RBFOX1: variants seen among roughly 807,000 people sequenced by gnomAD.
RBFOX1 encodes RNA binding fox-1 homolog 1.
Under a neutral mutation model 57.7 loss-of-function variants are expected in RBFOX1, and 8 were observed. The ratio of observed to expected loss-of-function variants is 0.14; its 90% CI spans 0.08 to 0.25. The LOEUF (loss-of-function observed/expected upper bound fraction) is 0.25. Ranked by LOEUF, RBFOX1 falls within the 10% of genes least tolerant of loss-of-function variation. The pLI, the probability that RBFOX1 is intolerant of heterozygous loss-of-function variation, is 1.00. For missense variants in RBFOX1, 611 were observed against 548.5 expected, an observed-to-expected ratio of 1.11 and a Z score of -1.14; for synonymous variants, 326 against 222.4, an observed-to-expected ratio of 1.47 and a Z score of -4.15.
At chr16:6,111,413 G>C (rs929020526) in intron 1 of RBFOX1, among the ~76,000 whole-genome samples, 1 of 152,156 alleles carries the variant, frequency 6.6e-6, no homozygotes, top group Non-Finnish European at 1.5e-5. Context: ...CTGATACACA[G>C]AGTGGGCTGT....
In RBFOX1 at chr16:7,364,529, C is replaced by T. The variant is rs970470143; in HGVS notation, c.28-153618C>T. ...TTGGACTATCTTTGGCAAGGGAGAGCATTTATTGGGAGGATATTGAGTAGC... is the reference window on the plus strand; with the variant it reads ...TTGGACTATCTTTGGCAAGGGAGAGTATTTATTGGGAGGATATTGAGTAGC... On this transcript the variant is annotated intron_variant, in intron 4 of 15. Coordinates refer to ENST00000550418, the MANE Select transcript of RBFOX1 (RefSeq NM_018723.4). 6.7e-5 allele frequency among the ~76,000 whole-genome samples: 9 copies of T among 134,688 alleles called. No homozygotes were observed. In the Admixed American group the frequency reaches 7.5e-4, roughly 11 times the overall value. 88.4% of individuals were successfully genotyped at this position (134,688 alleles called of 152,430 possible).
intron 1 of RBFOX1, among the ~76,000 whole-genome samples, chr16:6,129,188 C>G (rs1164081441): frequency 6.6e-6 from 1 of 152,078 alleles, no homozygotes; most frequent in Non-Finnish European, 1.5e-5. Flanking sequence ...CAAACAGAAA[C>G]AGACCCTGAT....
At chr16:6,542,591 G>A (rs963702543) in intron 2 of RBFOX1, among the ~76,000 whole-genome samples, 1 of 143,048 alleles carries the variant, frequency 7.0e-6, no homozygotes, top group Non-Finnish European at 1.5e-5. Context: ...CTGGGTTCAC[G>A]CCATTCTCCT....
chr16:6,380,999 C>A (rs2091752784), intron 2 of RBFOX1, among the ~76,000 whole-genome samples: 1 of 151,978 alleles, frequency 6.6e-6, no homozygotes, highest in Non-Finnish European at 1.5e-5. Context: ...TGCTGGGGGA[C>A]TTGTGGTATG....
chr16:5,419,948 G>T (rs1403813138), intron 1 of RBFOX1, among the ~76,000 whole-genome samples: 1 of 152,164 alleles, frequency 6.6e-6, no homozygotes, highest in African/African-American at 2.4e-5. Flanking sequence ...GAGCTTGGAG[G>T]CAGGGTCTTT....
intron 1 of RBFOX1, among the ~76,000 whole-genome samples, chr16:6,293,666 T>C (rs1172186387): frequency 1.3e-5 from 2 of 152,154 alleles, no homozygotes; most frequent in African/African-American, 4.8e-5. Context: ...CATAGAAACA[T>C]AGGGAAGAGG....
intron 14 of RBFOX1, among the ~76,000 whole-genome samples, chr16:7,697,288 A>G (rs1449056561): frequency 1.3e-5 from 2 of 152,166 alleles, no homozygotes; most frequent in African/African-American, 2.4e-5. Flanking sequence ...ATACTGGCAG[A>G]TTAGAAGTGT....
intron 5 of RBFOX1, among the ~76,000 whole-genome samples, chr16:7,572,484 G>A (rs1055817234): frequency 6.6e-6 from 1 of 152,162 alleles, no homozygotes; most frequent in Non-Finnish European, 1.5e-5. Flanking sequence ...ACTGGCATGT[G>A]GTGGGTGGAG....
At chr16:6,736,027 A>T (rs12935713) in intron 3 of RBFOX1, among the ~76,000 whole-genome samples, 1 of 151,912 alleles carries the variant, frequency 6.6e-6, no homozygotes, top group Admixed American at 6.6e-5. Context: ...AGGGATTTAG[A>T]ATTTTCAGCA....
intron 2 of RBFOX1, among the ~76,000 whole-genome samples, chr16:5,517,635 G>A (rs1473343640): frequency 6.6e-6 from 1 of 152,186 alleles, no homozygotes; most frequent in Non-Finnish European, 1.5e-5. Context: ...AGGAAATAAT[G>A]TTTGGCATCT....
At chr16:7,633,345 A>G (rs1433413819) in intron 11 of RBFOX1, among the ~76,000 whole-genome samples, 1 of 152,240 alleles carries the variant, frequency 6.6e-6, no homozygotes, top group East Asian at 1.9e-4. Context: ...AAATTGTATA[A>G]TGTGCATCCA....
chr16:6,390,334 G>T (rs75733110), intron 2 of RBFOX1, among the ~76,000 whole-genome samples: 4,507 of 152,202 alleles, frequency 0.03, 238 homozygotes, highest in African/African-American at 0.1. Flanking sequence ...TCCTGAACTT[G>T]AGTGGAGCTG....
chr16:7,344,721 G>A (rs1016401795), intron 4 of RBFOX1, among the ~76,000 whole-genome samples: 1 of 152,128 alleles, frequency 6.6e-6, no homozygotes, highest in Admixed American at 6.5e-5. Context: ...CAGCAAAGTG[G>A]AACAATTTGC....
At chr16:5,381,995 A>G (rs1255926017) in intron 1 of RBFOX1, among the ~76,000 whole-genome samples, 3 of 152,240 alleles carry the variant, frequency 2.0e-5, no homozygotes, top group African/African-American at 7.2e-5. Flanking sequence ...GGACGTCAGT[A>G]GCATCTTCAT....
At chr16:5,468,088 C>T (rs1389420310) in intron 2 of RBFOX1, among the ~76,000 whole-genome samples, 2 of 152,072 alleles carry the variant, frequency 1.3e-5, no homozygotes, top group Non-Finnish European at 2.9e-5. Flanking sequence ...TGTTCCTCCT[C>T]CCACCCCTCT....
intron 2 of RBFOX1, among the ~76,000 whole-genome samples, chr16:6,522,833 T>G (rs1264789326): frequency 6.6e-6 from 1 of 152,060 alleles, no homozygotes; most frequent in Non-Finnish European, 1.5e-5. Flanking sequence ...TTGTGGGGTA[T>G]AGCCCCTTCC....
chr16:6,968,109 T>C (rs2153563061), intron 3 of RBFOX1, among the ~76,000 whole-genome samples: 1 of 152,274 alleles, frequency 6.6e-6, no homozygotes, highest in Non-Finnish European at 1.5e-5. Flanking sequence ...TCTGTGGCTC[T>C]GAACTTGCAA....
chr16:5,657,828 T>G (rs1364979574), intron 3 of RBFOX1, among the ~76,000 whole-genome samples: 1 of 149,244 alleles, frequency 6.7e-6, no homozygotes, highest in African/African-American at 2.5e-5. Flanking sequence ...CACCTCCCAG[T>G]TCAAGCTCTT....
intron 2 of RBFOX1, among the ~76,000 whole-genome samples, chr16:6,437,147 A>G (rs562939166): frequency 6.6e-6 from 1 of 152,278 alleles, no homozygotes; most frequent in African/African-American, 2.4e-5. Flanking sequence ...ATTTTAGGAG[A>G]AGAAGATCTA....
Sources: gnomAD v4.1 joint callset for allele counts (sites outside exome capture counted in the v4.1 genomes callset) on GRCh38, gnomAD v4.1.1 for gene constraint, MANE v1.5 for transcripts, NCBI Gene and HGNC (gene_info 2026-07-23, HGNC 2026-07-21) for gene names.